The following PTN variants were observed in gnomAD, a reference collection of about 807,000 sequenced individuals.
PTN encodes the protein heparin affin regulatory protein.
Under a neutral mutation model 24.1 loss-of-function variants are expected in PTN, and 18 were observed. The observed-to-expected ratio is 0.75, with a 90% CI of 0.52 to 1.11. The LOEUF (loss-of-function observed/expected upper bound fraction) is 1.11. Ranked by LOEUF, PTN falls within the 50% of genes least tolerant of loss-of-function variation. PTN has a pLI of 0.00. For synonymous variants in PTN, 78 were observed against 68.6 expected, an observed-to-expected ratio of 1.14 and a Z score of -0.67; for missense variants, 163 against 198.8, an observed-to-expected ratio of 0.82 and a Z score of 1.08.
At position 137,253,448 on chromosome 7, in the gene PTN, G is replaced by T; in HGVS notation, c.289+16C>A. ...TATCTCAGAGTAGGAGATTAACTCA[G>T]TAGCATGAGGCTTACCGCCAAATTG... On this transcript the variant is annotated intron_variant, in intron 3 of 4. Transcript: ENST00000348225. 6.3e-7 allele frequency: 1 copy of T among 1,587,130 alleles called. No homozygotes were observed. The highest frequency in any genetic ancestry group is 1.1e-5 in the South Asian group (1 of 87,538).
intron 1 of PTN, among the ~76,000 whole-genome samples, chr7:137,299,031 TG>T (rs1563216563): frequency 6.6e-6 from 1 of 151,936 alleles, no homozygotes; most frequent in Non-Finnish European, 1.5e-5. Flanking sequence ...TCGTTACCCC[TG>T]GGGTTTAATG....
In PTN at chr7:137,335,675, T is replaced by C. The variant is rs541547633; in HGVS notation, c.-2+7764A>G. Among the ~76,000 whole-genome samples the C allele has an allele frequency of 3.2e-4, 49 of 152,306 alleles. 1 individual carries two copies. In the South Asian group the frequency reaches 8.3e-3, roughly 26 times the overall value. On this transcript the variant is annotated intron_variant, in intron 1 of 4. Transcript: ENST00000348225. Reference sequence around the variant, plus strand: ...CAGAAAAGCAGACTCTGAGATTTCATTGGAGACCTACTGAATTTTGGCAAA... The same window carrying C: ...CAGAAAAGCAGACTCTGAGATTTCACTGGAGACCTACTGAATTTTGGCAAA...
chr7:137,326,262 A>C (rs556336070), intron 1 of PTN: 1 of 152,082 alleles, frequency 6.6e-6, no homozygotes, highest in South Asian at 2.1e-4. Flanking sequence ...CTGTCTCTCC[A>C]CAATTCCTTC....
chr7:137,309,106 C>A (rs533094553), intron 1 of PTN, among the ~76,000 whole-genome samples: 61 of 152,202 alleles, frequency 4.0e-4, no homozygotes, highest in Non-Finnish European at 7.2e-4. Context: ...TACGGCCATA[C>A]CTTGGAGATA....
chr7:137,239,701 T>C (rs1048069276), intron 4 of PTN, among the ~76,000 whole-genome samples: 2 of 152,170 alleles, frequency 1.3e-5, no homozygotes, highest in Non-Finnish European at 2.9e-5. Flanking sequence ...ATTTCCAATT[T>C]CATCCATGTC....
In PTN at chr7:137,253,350, C is replaced by T. The variant is rs1352639874; in HGVS notation, c.289+114G>A. The T allele has an allele frequency of 3.5e-6, 4 of 1,142,934 alleles. No individual in the cohort carries two copies. In the Middle Eastern group the frequency reaches 7.9e-4, roughly 227 times the overall value. The allele number at this position is 1,142,934 out of a possible 1,614,324, so 70.8% of individuals were successfully genotyped here. On this transcript the variant is annotated intron_variant, in intron 3 of 4. Transcript: ENST00000348225. ...TGGGACCAGTCTGGTCACTTTGTGTCTGGTAAGATAAAGTTATTTAAAATA... is the reference window on the plus strand; with the variant it reads ...TGGGACCAGTCTGGTCACTTTGTGTTTGGTAAGATAAAGTTATTTAAAATA...
intron 4 of PTN, among the ~76,000 whole-genome samples, chr7:137,241,346 G>T (rs28568502): frequency 0.024 from 3,672 of 152,152 alleles, 159 homozygotes; most frequent in African/African-American, 0.085. Flanking sequence ...ACAGAGTTTT[G>T]TGAATATTAA....
chr7:137,333,792 T>C (rs1810399911), intron 1 of PTN, among the ~76,000 whole-genome samples: 1 of 152,112 alleles, frequency 6.6e-6, no homozygotes, highest in African/African-American at 2.4e-5. Flanking sequence ...CTTCAAACTA[T>C]ACTACAAGCC....
intron 1 of PTN, among the ~76,000 whole-genome samples, chr7:137,333,700 T>C (rs1332934745): frequency 2.0e-5 from 3 of 152,122 alleles, no homozygotes; most frequent in Non-Finnish European, 1.5e-5. Context: ...ACTTTAAAGT[T>C]CATATGGAAC....
chr7:137,280,872 A>C (rs1391932931), intron 1 of PTN, among the ~76,000 whole-genome samples: 1 of 120,102 alleles, frequency 8.3e-6, no homozygotes, highest in African/African-American at 3.9e-5. Flanking sequence ...ACTTTGTCTC[A>C]AAAAAAAAAA....
intron 1 of PTN, among the ~76,000 whole-genome samples, chr7:137,281,465 G>C (rs1413771177): frequency 2.6e-5 from 4 of 152,164 alleles, no homozygotes; most frequent in Non-Finnish European, 5.9e-5. Context: ...ACCCCTTGCT[G>C]TGCAAGGCTA....
At chr7:137,335,187 G>A (rs1810426351) in intron 1 of PTN, among the ~76,000 whole-genome samples, 1 of 151,048 alleles carries the variant, frequency 6.6e-6, no homozygotes, top group Non-Finnish European at 1.5e-5. Flanking sequence ...AAAACTTAAA[G>A]TATAATAATA....
intron 1 of PTN, among the ~76,000 whole-genome samples, chr7:137,306,509 C>G (rs912518700): frequency 3.9e-5 from 6 of 152,092 alleles, no homozygotes; most frequent in East Asian, 3.9e-4. Flanking sequence ...TTTCCCACCC[C>G]CTGGGAGCAG....
chr7:137,233,965 CA>C (rs1323298002), intron 4 of PTN, among the ~76,000 whole-genome samples: 7 of 148,562 alleles, frequency 4.7e-5, no homozygotes, highest in African/African-American at 1.8e-4. Context: ...TATACATATA[CA>C]TATATATGTA....
intron 1 of PTN, among the ~76,000 whole-genome samples, chr7:137,256,366 T>C (rs1235359471): frequency 1.3e-5 from 2 of 152,118 alleles, no homozygotes; most frequent in Non-Finnish European, 2.9e-5. Flanking sequence ...CCTCCCTGTG[T>C]CCATGTCTTC....
chr7:137,307,511 A>G (rs1809908735), intron 1 of PTN, among the ~76,000 whole-genome samples: 1 of 152,134 alleles, frequency 6.6e-6, no homozygotes, highest in Non-Finnish European at 1.5e-5. Context: ...TATTCCAACA[A>G]TTCATTTTTT....
intron 1 of PTN, among the ~76,000 whole-genome samples, chr7:137,330,285 C>CA (rs1227812912): frequency 1.3e-5 from 2 of 149,320 alleles, no homozygotes; most frequent in East Asian, 2.0e-4. Flanking sequence ...GACCCTGTCT[C>CA]AAAAAAAATG....
At chr7:137,301,553 C>T (rs913218141) in intron 1 of PTN, among the ~76,000 whole-genome samples, 3 of 139,240 alleles carry the variant, frequency 2.2e-5, no homozygotes, top group Non-Finnish European at 3.1e-5. Context: ...CCAAGACAAG[C>T]GAGAAATTGT....
chr7:137,275,921 C>T (rs1343461663), intron 1 of PTN, among the ~76,000 whole-genome samples: 1 of 152,208 alleles, frequency 6.6e-6, no homozygotes, highest in African/African-American at 2.4e-5. Flanking sequence ...TTTCTAATAA[C>T]TGGTGGCTTT....
Sources: gnomAD v4.1 joint callset for allele counts (sites outside exome capture counted in the v4.1 genomes callset) on GRCh38, gnomAD v4.1.1 for gene constraint, MANE v1.5 for transcripts, NCBI Gene and HGNC (gene_info 2026-07-23, HGNC 2026-07-21) for gene names.